SLC17A9: variants seen among roughly 807,000 people sequenced by gnomAD.
SLC17A9 encodes solute carrier family 17 member 9.
SLC17A9 carries 49 observed loss-of-function variants against 55.0 expected under a neutral mutation model. That is an observed-to-expected ratio of 0.89 (90% CI 0.71 to 1.13). The LOEUF (loss-of-function observed/expected upper bound fraction) is 1.13, where lower values mean the gene tolerates loss of function less well. SLC17A9 is among the 50% of genes most tolerant of loss of function. SLC17A9 has a pLI of 0.00. For missense variants in SLC17A9, 526 were observed against 569.3 expected (o/e 0.92, Z 0.77); for synonymous variants, 256 against 247.4 (o/e 1.03, Z -0.32).
intron 1 of SLC17A9, 40 bp from the exon 2 acceptor site, chr20:62,956,725 G>T (rs779756270): frequency 2.5e-6 from 4 of 1,572,840 alleles, no homozygotes; most frequent in Non-Finnish European, 2.6e-6. Flanking sequence ...CAGCAGGGCC[G>T]TGGGGCCTCC....
chr20:62,957,326 G>A (rs1430460744), intron 2 of SLC17A9, 115 bp from the exon 3 acceptor site: 26 of 1,495,786 alleles, frequency 1.7e-5, no homozygotes, highest in Non-Finnish European at 2.2e-5. Context: ...AGGCCCTGTA[G>A]AGGCAGACAG....
chr20:62,967,762 G>T lies in SLC17A9; in HGVS notation c.*262G>T. 2.4e-6 allele frequency: 1 copy of T among 415,084 alleles called. No homozygotes were observed. The highest frequency in any genetic ancestry group is 4.0e-5 in the Admixed American group (1 of 25,270). 25.7% of individuals were successfully genotyped at this position (415,084 alleles called of 1,614,324 possible). A position where few individuals can be genotyped will look rare whatever the true frequency, so the allele number is the denominator to read the frequency against. On this transcript the variant is annotated 3_prime_UTR_variant, in exon 13 of 13. Coordinates refer to ENST00000370351, the MANE Select transcript of SLC17A9 (RefSeq NM_022082.4). ...GGGCTCGGCCCTGTCCTCCTCACAG[G>T]CTGGTGTGGCCGTCAGGGTGGGTGG...
At chr20:62,959,579 G>A (rs1198587516) in intron 3 of SLC17A9, among the ~76,000 whole-genome samples, 3 of 152,230 alleles carry the variant, frequency 2.0e-5, no homozygotes, top group African/African-American at 4.8e-5. Context: ...TCTTGCTGCG[G>A]GGCATCGGAC....
At position 62,960,494 on chromosome 20, in the gene SLC17A9, C is replaced by T. The variant is rs1449137275; in HGVS notation, c.398-10C>T. 1.2e-6 allele frequency: 2 copies of T among 1,610,242 alleles called. No individual in the cohort carries two copies. Among genetic ancestry groups the T allele is most frequent in the East Asian group, 2.2e-5 (1 of 44,794 alleles). On this transcript the variant is annotated splice_polypyrimidine_tract_variant and intron_variant, in intron 3 of 12. Transcript: ENST00000370351. ...TGGACCCTGAGAGACCCTCCCTCCA[C>T]TTGTTGCAGGGGTTTACTTCCCTGC... is the stretch of plus-strand genomic sequence containing the variant.
At position 62,958,291 on chromosome 20, in the gene SLC17A9, G is replaced by A. The variant is rs538744143; in HGVS notation, c.397+711G>A. Among the ~76,000 whole-genome samples the A allele has an allele frequency of 6.5e-4, 99 of 152,332 alleles. No individual in the cohort carries two copies. Among genetic ancestry groups the A allele is most frequent in the African/African-American group, 2.4e-3 (99 of 41,558 alleles). On this transcript the variant is annotated intron_variant, in intron 3 of 12. Transcript: ENST00000370351. This position sits in a 1 kb window ranked among gnomAD's most constrained non-coding sequence, Gnocchi z 4.1. ...TTTTGTCACCAAACGCCTTAGTTCA[G>A]TGGTGGATTCCAGCTGCAAGGGACC...
At chr20:62,957,641 G>C in intron 3 of SLC17A9, 61 bp downstream of exon 3, 3 of 1,420,952 alleles carry the variant, frequency 2.1e-6, no homozygotes, top group Non-Finnish European at 2.8e-6. Flanking sequence ...GACAAGGGGG[G>C]TGTGCACGGA....
chr20:62,960,381 G>A (rs1319654103), intron 3 of SLC17A9, 123 bp from the exon 4 acceptor site: 19 of 847,610 alleles, frequency 2.2e-5, no homozygotes, highest in Non-Finnish European at 3.4e-5. Context: ...GGTCCCTCGG[G>A]TGGGGAGGTG....
intron 1 of SLC17A9, among the ~76,000 whole-genome samples, chr20:62,955,482 G>GT (rs575280581): frequency 2.5e-4 from 37 of 150,500 alleles, no homozygotes; most frequent in Non-Finnish European, 3.1e-4. Flanking sequence ...GTTTTGTTTT[G>GT]TTTTTTTTTG....
intron 5 of SLC17A9, 104 bp from the exon 6 acceptor site, chr20:62,963,169 G>T: frequency 8.4e-7 from 1 of 1,192,228 alleles, no homozygotes; most frequent in Non-Finnish European, 1.2e-6. Flanking sequence ...GCATGGACGA[G>T]GCCTGCTGAC....
Position 62,967,840 on chromosome 20 carries a change from T to G in SLC17A9, c.*340T>G. 1 of 187,192 alleles carries G rather than the reference T, an allele frequency of 5.3e-6. No individual in the cohort carries two copies. The highest frequency in any genetic ancestry group is 1.1e-5 in the Non-Finnish European group (1 of 91,082). 11.6% of individuals were successfully genotyped at this position (187,192 alleles called of 1,614,324 possible). A position where few individuals can be genotyped will look rare whatever the true frequency, so the allele number is the denominator to read the frequency against. Reference sequence around the variant, plus strand: ...TCCCACCACGATCTGTTCCGCGTGGTTCCCGCCAAACCTCCCTCGGTCGCC... The same window carrying G: ...TCCCACCACGATCTGTTCCGCGTGGGTCCCGCCAAACCTCCCTCGGTCGCC... On this transcript the variant is annotated 3_prime_UTR_variant, in exon 13 of 13. Transcript: ENST00000370351.
At position 62,962,891 on chromosome 20, in the gene SLC17A9, G is replaced by A; in HGVS notation, c.628+137G>A. The A allele has an allele frequency of 1.5e-6, 2 of 1,296,932 alleles. No individual in the cohort carries two copies. Among genetic ancestry groups the A allele is most frequent in the Non-Finnish European group, 2.1e-6 (2 of 947,544 alleles). The allele number at this position is 1,296,932 out of a possible 1,614,324, so 80.3% of individuals were successfully genotyped here. A position where few individuals can be genotyped will look rare whatever the true frequency, so the allele number is the denominator to read the frequency against. The stretch of plus-strand genomic sequence containing the variant: ...ACCTCCCAAAGAATCCGCCAGTGAG[G>A]AAAAGCGCTCGGGTGCTGAGCTGTC... On this transcript the variant is annotated intron_variant, in intron 5 of 12. Coordinates refer to ENST00000370351, the MANE Select transcript of SLC17A9 (RefSeq NM_022082.4). The surrounding 1 kb of genome is among the most constrained non-coding windows in gnomAD (Gnocchi z 5.5).
intron 1 of SLC17A9, among the ~76,000 whole-genome samples, chr20:62,955,601 C>T (rs747830894): frequency 4.6e-5 from 7 of 152,186 alleles, no homozygotes; most frequent in African/African-American, 1.4e-4. Flanking sequence ...CATAAGCCAC[C>T]GTACCTGGCT....
intron 1 of SLC17A9, chr20:62,953,340 T>G (rs2065508663): frequency 6.6e-7 from 1 of 1,511,744 alleles, no homozygotes; most frequent in African/African-American, 1.4e-5. Flanking sequence ...ACGTGCCAGC[T>G]GTGTGCTGAG....
At chr20:62,965,018 C>A in intron 8 of SLC17A9, 114 bp from the exon 9 acceptor site, 1 of 1,242,976 alleles carries the variant, frequency 8.0e-7, no homozygotes, top group Non-Finnish European at 1.2e-6. Context: ...CTGTCTTGAG[C>A]CCCAAGCCTC....
Position 62,960,570 on chromosome 20 carries a change from C to CT in SLC17A9, c.464_465insT (p.Tyr156LeufsTer53). ...GTGCGGGAGAGTGAGCGAGCCTTCA[C>CT]CTACAGCATCGTGGGCGCCGGCTCC... On this transcript the variant is annotated frameshift_variant, in exon 4 of 13. Coordinates refer to ENST00000370351, the MANE Select transcript of SLC17A9 (RefSeq NM_022082.4). LOFTEE classifies it high-confidence loss of function. The CT allele has an allele frequency of 6.2e-7, 1 of 1,613,588 alleles. No individual in the cohort carries two copies.
Position 62,966,599 on chromosome 20 carries a change from C to G in SLC17A9, c.1117+19C>G. 6.2e-7 allele frequency: 1 copy of G among 1,613,938 alleles called. No individual in the cohort carries two copies. The highest frequency in any genetic ancestry group is 2.2e-5 in the East Asian group (1 of 44,882). Reference sequence around the variant, plus strand: ...CTGTTTGGTGAGGACCTTGCCTTACCCCAGCTTTGCCCCTCCCTGGGCCTC... The same window carrying G: ...CTGTTTGGTGAGGACCTTGCCTTACGCCAGCTTTGCCCCTCCCTGGGCCTC... On this transcript the variant is annotated intron_variant, in intron 11 of 12. Transcript: ENST00000370351.
intron 1 of SLC17A9, among the ~76,000 whole-genome samples, chr20:62,955,918 C>T (rs1026020123): frequency 2.0e-5 from 3 of 152,230 alleles, no homozygotes; most frequent in African/African-American, 7.2e-5. Context: ...CTGCAAATGA[C>T]GCTGGCGAAA....
rs1440804728 is a variant in SLC17A9 at position 62,967,724 on chromosome 20, C to G, written c.*224C>G. The G allele has an allele frequency of 1.9e-6, 1 of 517,690 alleles. No individual in the cohort carries two copies. The highest frequency in any genetic ancestry group is 3.4e-6 in the Non-Finnish European group (1 of 294,724). The allele number at this position is 517,690 out of a possible 1,614,324, so 32.1% of individuals were successfully genotyped here. ...TCGCTGCTCTCTGGGCCTCAGTTTC[C>G]CCACCTGCCAGCGGGCTCGGCCCTG... On this transcript the variant is annotated 3_prime_UTR_variant, in exon 13 of 13. Coordinates refer to ENST00000370351, the MANE Select transcript of SLC17A9 (RefSeq NM_022082.4).
chr20:62,963,529 AG>A, intron 6 of SLC17A9, 54 bp from the exon 7 acceptor site: 1 of 1,549,848 alleles, frequency 6.5e-7, no homozygotes, highest in Non-Finnish European at 8.7e-7. Flanking sequence ...TGGGTCCCAC[AG>A]GCCCGGCCAG....
Sources: gnomAD v4.1 joint callset for allele counts (sites outside exome capture counted in the v4.1 genomes callset) on GRCh38, gnomAD v4.1.1 for gene constraint, Gnocchi (gnomAD v3.1) non-coding constraint, MANE v1.5 for transcripts, NCBI Gene and HGNC (gene_info 2026-07-23, HGNC 2026-07-21) for gene names.